Variants in NRG1 observed in about 807,000 individuals in gnomAD.
NRG1 encodes pro-neuregulin-1, membrane-bound isoform.
NRG1 carries 18 observed loss-of-function variants against 63.8 expected under a neutral mutation model. The observed-to-expected ratio is 0.28, with a 90% CI of 0.19 to 0.42. The LOEUF is 0.42. Ranked by LOEUF, NRG1 falls within the 10% of genes least tolerant of loss-of-function variation. NRG1 has a pLI of 1.00. For missense variants in NRG1, 762 were observed against 814.7 expected (o/e 0.94, Z 0.79); for synonymous variants, 302 against 301.3 (o/e 1.00, Z -0.02).
In NRG1 at chr8:32,742,885, A is replaced by T; in HGVS notation, c.691+152A>T. On this transcript the variant is annotated intron_variant, in intron 7 of 11. Coordinates refer to ENST00000356819, the Ensembl canonical transcript of NRG1. This position sits in a 1 kb window ranked among gnomAD's most constrained non-coding sequence, Gnocchi z 4.2. ...CTGCCTCTGCCTGTCGCATGAGAAC[A>T]TTAACAAAAGCAATTGTATTACTTC... 1 of 1,550,198 alleles carries T rather than the reference A, an allele frequency of 6.5e-7. No homozygotes were observed. The highest frequency in any genetic ancestry group is 8.7e-7 in the Non-Finnish European group (1 of 1,145,228).
intron 1 of NRG1, among the ~76,000 whole-genome samples, chr8:32,410,238 T>A (rs1355967355): frequency 7.0e-6 from 1 of 141,902 alleles, no homozygotes; most frequent in African/African-American, 2.6e-5. Flanking sequence ...TGGAGTGCAG[T>A]GGCATCATCA....
At chr8:31,707,706 T>C (rs1811285937) in intron 1 of NRG1, among the ~76,000 whole-genome samples, 1 of 152,172 alleles carries the variant, frequency 6.6e-6, no homozygotes, top group African/African-American at 2.4e-5. Flanking sequence ...TTATCAGCTT[T>C]ATCTCTTGGT....
intron 1 of NRG1, among the ~76,000 whole-genome samples, chr8:32,283,639 T>C (rs986255753): frequency 6.6e-5 from 10 of 152,326 alleles, no homozygotes; most frequent in African/African-American, 2.2e-4. Context: ...TAGAGGAACA[T>C]CAAGATAATT....
rs4289763 is a variant in NRG1 at position 31,897,801 on chromosome 8, G to A, written c.37+258370G>A. On this transcript the variant is annotated intron_variant, in intron 1 of 10. Coordinates refer to the NRG1 transcript ENST00000519301. ...AGGCTGAGGCGGGCAGATCACCCGA[G>A]GTCAGGAGTTCGAGACAAGCCTGGC... 1.1e-4 allele frequency among the ~76,000 whole-genome samples: 16 copies of A among 151,762 alleles called. 1 individual carries two copies. The highest frequency in any genetic ancestry group is 3.6e-4 in the African/African-American group (15 of 41,408).
intron 7 of NRG1, among the ~76,000 whole-genome samples, chr8:32,753,470 C>G (rs546858050): frequency 2.8e-4 from 43 of 152,212 alleles, no homozygotes; most frequent in Non-Finnish European, 4.4e-4. Context: ...TTAGTATAAT[C>G]TACATTAGCT....
At chr8:32,296,574 C>T (rs987611926) in intron 1 of NRG1, among the ~76,000 whole-genome samples, 42 of 149,972 alleles carry the variant, frequency 2.8e-4, no homozygotes, top group African/African-American at 9.1e-4. Context: ...AGATCCTGTG[C>T]CATGGCACTC....
At chr8:32,553,617 T>C (rs1431420788) in intron 1 of NRG1, among the ~76,000 whole-genome samples, 2 of 152,186 alleles carry the variant, frequency 1.3e-5, no homozygotes, top group Non-Finnish European at 2.9e-5. Context: ...GAAACATGAC[T>C]CTTTTTTCTG....
chr8:32,388,041 C>G (rs2881651), intron 1 of NRG1, among the ~76,000 whole-genome samples: 51,946 of 152,108 alleles, frequency 0.34, 9,347 homozygotes, highest in Middle Eastern at 0.43. Context: ...ACCTGAAAGC[C>G]AGGTTCAGCG....
chr8:31,717,878 A>T (rs959066060), intron 1 of NRG1, among the ~76,000 whole-genome samples: 3 of 152,192 alleles, frequency 2.0e-5, no homozygotes, highest in Non-Finnish European at 4.4e-5. Context: ...TTGAAAAATC[A>T]TGGTTGGGAA....
At chr8:31,837,950 G>A (rs528799408) in intron 1 of NRG1, among the ~76,000 whole-genome samples, 3 of 152,152 alleles carry the variant, frequency 2.0e-5, no homozygotes, top group Admixed American at 6.5e-5. Flanking sequence ...TGAGCATGCA[G>A]ATGTCTCTTC....
At chr8:32,544,679 C>CTTTTTTTTTT (rs755780220), upstream of NRG1, among the ~76,000 whole-genome samples, 7 of 80,434 alleles carry the variant, frequency 8.7e-5, no homozygotes, top group East Asian at 4.6e-4. Flanking sequence ...ATTTTTGTAT[C>CTTTTTTTTTT]TTTTTTTTTT....
intron 1 of NRG1, among the ~76,000 whole-genome samples, chr8:31,709,764 CTTTTTTA>C (rs1280791551): frequency 3.3e-5 from 5 of 151,448 alleles, no homozygotes; most frequent in Non-Finnish European, 7.4e-5. Flanking sequence ...TCTCTTTTGG[CTTTTTTA>C]TTTTTCTTTG....
chr8:31,765,589 A>G (rs1817979323), intron 1 of NRG1, among the ~76,000 whole-genome samples: 1 of 152,120 alleles, frequency 6.6e-6, no homozygotes, highest in South Asian at 2.1e-4. Context: ...TAGTTTTCCA[A>G]ACTTGGAAAC....
chr8:32,414,709 A>G (rs868528596), intron 1 of NRG1, among the ~76,000 whole-genome samples: 6 of 152,232 alleles, frequency 3.9e-5, no homozygotes, highest in Middle Eastern at 6.8e-3. Context: ...CAAGTTTCAA[A>G]CCTCTATTGC....
At chr8:32,044,267 A>G (rs1191163543) in intron 1 of NRG1, among the ~76,000 whole-genome samples, 1 of 151,928 alleles carries the variant, frequency 6.6e-6, no homozygotes. Context: ...AACCTTAACT[A>G]TGTCTGTAGC....
chr8:31,901,703 A>G (rs1185781760), intron 1 of NRG1, among the ~76,000 whole-genome samples: 1 of 152,248 alleles, frequency 6.6e-6, no homozygotes, highest in Non-Finnish European at 1.5e-5. Context: ...TAAACAATCC[A>G]TGATCCTGAG....
chr8:32,658,897 T>A (rs1802146002), intron 5 of NRG1, among the ~76,000 whole-genome samples: 1 of 152,178 alleles, frequency 6.6e-6, no homozygotes, highest in Non-Finnish European at 1.5e-5. Context: ...AATGCATACA[T>A]TTTGGTGACA....
At position 32,179,187 on chromosome 8, in the gene NRG1, T is replaced by TAAAA. The variant is rs35411561; in HGVS notation, c.38-416618_38-416615dup. On this transcript the variant is annotated intron_variant, in intron 1 of 10. Coordinates refer to the NRG1 transcript ENST00000519301. ...CCTTCTTCCCAACGTCTCACAGTCA[T>TAAAA]AAAAAAAAAAAAAAAAAAAAAAAAA... Among the ~76,000 whole-genome samples the TAAAA allele has an allele frequency of 2.0e-3, 135 of 66,488 alleles. 9 individuals carry two copies. The highest frequency in any genetic ancestry group is 7.3e-3 in the African/African-American group (112 of 15,320). 43.6% of individuals were successfully genotyped at this position (66,488 alleles called of 152,430 possible). A position where few individuals can be genotyped will look rare whatever the true frequency, so the allele number is the denominator to read the frequency against.
intron 1 of NRG1, among the ~76,000 whole-genome samples, chr8:32,257,451 G>A (rs1849857330): frequency 6.6e-6 from 1 of 152,178 alleles, no homozygotes. Flanking sequence ...AACTTCTTGA[G>A]AGGATCTCTT....
Sources: gnomAD v4.1 joint callset for allele counts (sites outside exome capture counted in the v4.1 genomes callset) on GRCh38, gnomAD v4.1.1 for gene constraint, Gnocchi (gnomAD v3.1) non-coding constraint, MANE v1.5 for transcripts, NCBI Gene and HGNC (gene_info 2026-07-23, HGNC 2026-07-21) for gene names.